The following ITGAD variants were observed in gnomAD, a reference collection of about 807,000 sequenced individuals.
ITGAD encodes integrin subunit alpha D.
Under a neutral mutation model 139.0 loss-of-function variants are expected in ITGAD, and 105 were observed. The ratio of observed to expected loss-of-function variants is 0.76; its 90% CI spans 0.65 to 0.89. The LOEUF (loss-of-function observed/expected upper bound fraction) is 0.89. ITGAD is among the 40% of genes least tolerant of loss of function. The pLI is 0.00. For synonymous variants in ITGAD, 569 were observed against 598.3 expected, an observed-to-expected ratio of 0.95 and a Z score of 0.71; for missense variants, 1,384 against 1,487.3, an observed-to-expected ratio of 0.93 and a Z score of 1.14.
intron 5 of ITGAD, among the ~76,000 whole-genome samples, chr16:31,399,171 G>C (rs1419447507): frequency 1.3e-5 from 2 of 152,126 alleles, no homozygotes; most frequent in Admixed American, 6.6e-5. Flanking sequence ...TGGGCACCAG[G>C]CTTCATTCCC....
rs762198800 is a variant in ITGAD, at chr16:31,397,846, G to T, written c.364G>T (p.Gly122Cys). The change falls in exon 5 of 30, where the codon GGT becomes TGT. Residue 122 changes from glycine (G) to cysteine (C), a missense_variant. Coordinates refer to ENST00000389202, the MANE Select transcript of ITGAD (RefSeq NM_005353.3). ...RVCGENSYSK[G>C]SCLLLGSRWE... is the part of the protein sequence containing the mutation. Reference sequence around the variant, plus strand: ...CTGTGGGGAGAACTCATACTCAAAGGGTTCCTGCCTCCTGCTGGGCTCGCG... The same window carrying T: ...CTGTGGGGAGAACTCATACTCAAAGTGTTCCTGCCTCCTGCTGGGCTCGCG... 6.2e-6 allele frequency: 10 copies of T among 1,613,790 alleles called. No homozygotes were observed. Among genetic ancestry groups the T allele is most frequent in the Non-Finnish European group, 6.8e-6 (8 of 1,180,000 alleles).
intron 11 of ITGAD, 72 bp downstream of exon 11, chr16:31,410,596 G>C (rs1030291588): frequency 5.0e-6 from 8 of 1,601,294 alleles, no homozygotes; most frequent in Non-Finnish European, 6.8e-6. Context: ...GTTCTGGGGA[G>C]GGGGGATGGG....
chr16:31,419,460 A>G (rs374394874), intron 23 of ITGAD, among the ~76,000 whole-genome samples: 2 of 152,228 alleles, frequency 1.3e-5, no homozygotes, highest in Non-Finnish European at 2.9e-5. Context: ...CTAGCTGTGC[A>G]GTAGGCTCTA....
intron 18 of ITGAD, among the ~76,000 whole-genome samples, 154 bp downstream of exon 18, chr16:31,415,145 C>G (rs2081852762): frequency 6.6e-6 from 1 of 152,116 alleles, no homozygotes; most frequent in Non-Finnish European, 1.5e-5. Context: ...CCTGTGGGTT[C>G]TGTCTCCAGG....
Position 31,397,455 on chromosome 16 carries a change from G to A in ITGAD, c.234G>A (p.Pro78=), listed in dbSNP as rs200212154. ...CCACCGGCATGTGCCAGCCCATCCC[G>A]CTGCACAGTGAGTGACCACCTGGGA... is the stretch of plus-strand genomic sequence containing the variant. ...AAATGMCQPI[P]LHIRPEAVNM... Residue 78 remains proline (P), a synonymous_variant, in exon 3 of 30, where the codon CCG becomes CCA. Transcript: ENST00000389202. 6.1e-5 allele frequency: 97 copies of A among 1,593,154 alleles called. No homozygotes were observed. In the East Asian group the frequency reaches 1.4e-3, roughly 23 times the overall value.
intron 6 of ITGAD, chr16:31,402,690 TCTCCCAGG>T (rs1161472647): frequency 6.5e-6 from 1 of 154,596 alleles, no homozygotes; most frequent in African/African-American, 2.4e-5. Flanking sequence ...GCAGACTTGA[TCTCCCAGG>T]CTCAAGTGAT....
rs544081156 is a variant in ITGAD at position 31,422,702 on chromosome 16, C to T, written c.2781-412C>T. On this transcript the variant is annotated intron_variant, in intron 23 of 29. Transcript: ENST00000389202. ...TTTCCAAAACTGGAGACAGTAAGAA[C>T]GTTCCAAGGAGAAGAGCTTGAGCAA... Among the ~76,000 whole-genome samples, 3 of 152,052 alleles carry T rather than the reference C, an allele frequency of 2.0e-5. No homozygotes were observed. In the East Asian group the frequency reaches 5.8e-4, roughly 29 times the overall value.
intron 5 of ITGAD, among the ~76,000 whole-genome samples, chr16:31,399,117 T>C (rs1185540632): frequency 6.6e-6 from 1 of 152,164 alleles, no homozygotes; most frequent in Non-Finnish European, 1.5e-5. Context: ...GACATCTCTC[T>C]GAGGGTTGGT....
At chr16:31,401,046 C>A (rs536340125) in intron 5 of ITGAD, among the ~76,000 whole-genome samples, 2 of 152,170 alleles carry the variant, frequency 1.3e-5, no homozygotes, top group South Asian at 4.2e-4. Flanking sequence ...ATCGTTAGAG[C>A]CCAGGAGGTT....
intron 23 of ITGAD, among the ~76,000 whole-genome samples, chr16:31,422,577 G>A (rs546399801): frequency 8.5e-5 from 13 of 152,234 alleles, no homozygotes; most frequent in African/African-American, 2.9e-4. Flanking sequence ...ATCTCTGTAA[G>A]CATTACCAGA....
intron 24 of ITGAD, 59 bp from the exon 25 acceptor site, chr16:31,423,293 G>C (rs2082042862): frequency 6.3e-7 from 1 of 1,583,620 alleles, no homozygotes; most frequent in Non-Finnish European, 8.7e-7. Context: ...GGCCAGGAGG[G>C]AAGTAGGATT....
At chr16:31,399,968 G>A (rs1410007004) in intron 5 of ITGAD, among the ~76,000 whole-genome samples, 1 of 152,262 alleles carries the variant, frequency 6.6e-6, no homozygotes, top group African/African-American at 2.4e-5. Context: ...ATCCTTGCCT[G>A]ATTGGTGGGG....
intron 23 of ITGAD, 67 bp downstream of exon 23, chr16:31,418,631 C>A: frequency 2.5e-6 from 3 of 1,176,592 alleles, no homozygotes; most frequent in Non-Finnish European, 3.8e-6. Context: ...CCTTCTGAGT[C>A]CCAGCCTGCT....
intron 5 of ITGAD, among the ~76,000 whole-genome samples, chr16:31,399,042 T>C (rs2081340857): frequency 6.6e-6 from 1 of 152,078 alleles, no homozygotes; most frequent in South Asian, 2.1e-4. Context: ...CTGCGGAAAA[T>C]GCGATGTGCA....
intron 7 of ITGAD, among the ~76,000 whole-genome samples, chr16:31,405,320 G>A (rs1335338621): frequency 2.0e-5 from 3 of 151,882 alleles, no homozygotes; most frequent in African/African-American, 7.3e-5. Context: ...TTTCTTTCTT[G>A]TCTTCTTTTT....
At chr16:31,415,053 A>G in intron 18 of ITGAD, 62 bp downstream of exon 18, 1 of 1,588,944 alleles carries the variant, frequency 6.3e-7, no homozygotes, top group South Asian at 1.1e-5. Context: ...TGAGCTTAAG[A>G]ATCCACTGTA....
At chr16:31,404,527 G>T (rs939975914) in intron 7 of ITGAD, 1 of 152,210 alleles carries the variant, frequency 6.6e-6, no homozygotes. Context: ...GAAGGCCTCC[G>T]TCTGTCCTGT....
chr16:31,409,803 T>A (rs1421465672), intron 10 of ITGAD, among the ~76,000 whole-genome samples: 1 of 149,936 alleles, frequency 6.7e-6, no homozygotes, highest in Non-Finnish European at 1.5e-5. Flanking sequence ...TCTCAACTAC[T>A]CAGGAGGCTG....
chr16:31,407,785 G>C lies in ITGAD; in HGVS notation c.878G>C (p.Gly293Ala), dbSNP rs1360835204. ...CTGCAGGTGGGACACGCTTTCCAGG[G>C]ACCCACTGCCAGGCAGGAGCTGAAT... The part of the protein sequence containing the change: ...YAIGVGHAFQ[G>A]PTARQELNTI... The change falls in exon 9 of 30, where the codon GGA becomes GCA. Residue 293 changes from glycine (G) to alanine (A), a missense_variant. By Grantham distance (60) the Gly-to-Ala change is moderately conservative. Transcript: ENST00000389202. The C allele has an allele frequency of 6.2e-7, 1 of 1,613,980 alleles. No homozygotes were observed. The highest frequency in any genetic ancestry group is 1.1e-5 in the South Asian group (1 of 91,070).
Sources: gnomAD v4.1 joint callset for allele counts (sites outside exome capture counted in the v4.1 genomes callset) on GRCh38, gnomAD v4.1.1 for gene constraint, MANE v1.5 for transcripts, NCBI Gene and HGNC (gene_info 2026-07-23, HGNC 2026-07-21) for gene names.